LTBP1: variants seen among roughly 807,000 people sequenced by gnomAD.
LTBP1 encodes latent-transforming growth factor beta-binding protein 1.
In LTBP1, 129 loss-of-function variants were observed where a neutral mutation model predicts 207.6. The ratio of observed to expected loss-of-function variants is 0.62; its 90% confidence interval spans 0.54 to 0.72. LTBP1 has a LOEUF of 0.72. LTBP1 is among the 30% of genes least tolerant of loss of function. The probability of loss-of-function intolerance (pLI) is 0.00; values close to 1 mark genes in which losing one functional copy is unlikely to be tolerated. For missense variants in LTBP1, 2,281 were observed against 2,217.2 expected, an observed-to-expected ratio of 1.03 and a Z score of -0.58; for synonymous variants, 963 against 833.7, an observed-to-expected ratio of 1.16 and a Z score of -2.67.
chr2:33,087,084 C>CTTTTTTTTTTTTTTTTTTTTTTTTT (rs35334788), intron 3 of LTBP1, among the ~76,000 whole-genome samples: 1 of 89,026 alleles, frequency 1.1e-5, no homozygotes. Context: ...CTCCTTTATG[C>CTTTTTTTTTTTTTTTTTTTTTTTTT]TTTTTTTTTT....
chr2:33,043,960 A>T (rs1195045421), intron 3 of LTBP1, among the ~76,000 whole-genome samples: 1 of 151,986 alleles, frequency 6.6e-6, no homozygotes, highest in Non-Finnish European at 1.5e-5. Context: ...GCTGTGCCCT[A>T]TTCAAGGAAA....
chr2:33,356,741 G>A (rs2094866850), intron 26 of LTBP1, among the ~76,000 whole-genome samples: 1 of 152,222 alleles, frequency 6.6e-6, no homozygotes, highest in Non-Finnish European at 1.5e-5. Context: ...AGTTTTCCTT[G>A]ACATCTCCTT....
At chr2:33,205,634 C>T (rs1436255125) in intron 7 of LTBP1, among the ~76,000 whole-genome samples, 1 of 152,212 alleles carries the variant, frequency 6.6e-6, no homozygotes, top group East Asian at 1.9e-4. Context: ...CAAAGGACCA[C>T]ACTCATTCCC....
intron 3 of LTBP1, among the ~76,000 whole-genome samples, chr2:33,051,772 A>G (rs1480614621): frequency 6.6e-6 from 1 of 152,166 alleles, no homozygotes; most frequent in Admixed American, 6.5e-5. Context: ...TGACTCATTC[A>G]AAGCCACTTT....
intron 10 of LTBP1, among the ~76,000 whole-genome samples, chr2:33,246,939 G>A (rs776741623): frequency 1.3e-5 from 2 of 152,172 alleles, no homozygotes; most frequent in Non-Finnish European, 2.9e-5. Context: ...ATGGGGAAAG[G>A]TGGAAATTCG....
At chr2:33,168,508 G>T (rs2085135460) in intron 5 of LTBP1, among the ~76,000 whole-genome samples, 1 of 151,706 alleles carries the variant, frequency 6.6e-6, no homozygotes, top group African/African-American at 2.4e-5. Context: ...TTGTGATGTT[G>T]TCTTACAAAT....
At chr2:33,149,139 C>T (rs984750872) in intron 5 of LTBP1, among the ~76,000 whole-genome samples, 44 of 146,036 alleles carry the variant, frequency 3.0e-4, no homozygotes, top group African/African-American at 8.6e-4. Context: ...GGCGTGAACC[C>T]GGGAGGCGGA....
rs1396593073 is a variant in LTBP1 at position 33,150,708 on chromosome 2, TTC to T, written c.1201+15750_1201+15751del. On this transcript the variant is annotated intron_variant, in intron 5 of 33. Coordinates refer to ENST00000404816, the MANE Select transcript of LTBP1 (RefSeq NM_206943.4). ...TTCTTTTCTTTTTTCTTTTTTCTTT[TTC>T]TTTTTTTTTTTTTTTTTTTTTTTTT... 1.1e-3 allele frequency among the ~76,000 whole-genome samples: 146 copies of T among 129,352 alleles called. 4 individuals are homozygous for T. The highest frequency in any genetic ancestry group is 3.9e-3 in the African/African-American group (137 of 34,844). The allele number at this position is 129,352 out of a possible 152,430, so 84.9% of individuals were successfully genotyped here.
At chr2:33,387,373 A>G (rs1226325391) in intron 31 of LTBP1, among the ~76,000 whole-genome samples, 3 of 152,252 alleles carry the variant, frequency 2.0e-5, no homozygotes, top group Non-Finnish European at 2.9e-5. Context: ...CTCTGTTTGA[A>G]GTAGTTCTTT....
chr2:33,018,778 T>A (rs1370719110), intron 2 of LTBP1, among the ~76,000 whole-genome samples: 1 of 152,186 alleles, frequency 6.6e-6, no homozygotes, highest in Non-Finnish European at 1.5e-5. Flanking sequence ...AACAAATCGC[T>A]GCTGCCCTCC....
intron 7 of LTBP1, among the ~76,000 whole-genome samples, chr2:33,192,479 A>G (rs1191362915): frequency 1.3e-5 from 2 of 152,138 alleles, no homozygotes; most frequent in African/African-American, 2.4e-5. Flanking sequence ...GACAGAAAAA[A>G]CAATCAGACA....
At chr2:33,309,652 A>T in intron 23 of LTBP1, 96 bp downstream of exon 23, 5 of 1,369,794 alleles carry the variant, frequency 3.7e-6, no homozygotes, top group Non-Finnish European at 5.0e-6. Flanking sequence ...CATGTGATTT[A>T]TATGTAAATA....
chr2:33,217,518 A>G (rs766930413), intron 7 of LTBP1, 34 bp from the exon 8 acceptor site: 23 of 1,512,638 alleles, frequency 1.5e-5, no homozygotes, highest in South Asian at 7.9e-5. Flanking sequence ...CCTGCACTCA[A>G]TTAACCTTCA....
chr2:33,170,799 C>T (rs1268572866), intron 5 of LTBP1, among the ~76,000 whole-genome samples: 128 of 152,172 alleles, frequency 8.4e-4, no homozygotes, highest in African/African-American at 2.8e-3. Flanking sequence ...GCCGGGTACT[C>T]CTCTGAGACA....
rs144362210 is a variant in LTBP1, at chr2:33,117,921, G to A, written c.1033+7170G>A. Among the ~76,000 whole-genome samples, 3 of 152,304 alleles carry A rather than the reference G, an allele frequency of 2.0e-5. No individual in the cohort carries two copies. In the East Asian group the frequency reaches 5.8e-4, roughly 29 times the overall value. On this transcript the variant is annotated intron_variant, in intron 4 of 33. Transcript: ENST00000404816. ...GAAGAGTCTGGTCCTGAGAACTGTTGTGGCCTTAATGTCGATGTTGAAGTT... is the reference window on the plus strand; with the variant it reads ...GAAGAGTCTGGTCCTGAGAACTGTTATGGCCTTAATGTCGATGTTGAAGTT...
At chr2:33,172,691 C>A (rs1452772368) in intron 5 of LTBP1, among the ~76,000 whole-genome samples, 2 of 152,234 alleles carry the variant, frequency 1.3e-5, no homozygotes, top group African/African-American at 4.8e-5. Context: ...CCCAAATCAA[C>A]AGAGTATACA....
chr2:33,124,220 C>A (rs578081327), intron 4 of LTBP1, among the ~76,000 whole-genome samples: 2 of 152,240 alleles, frequency 1.3e-5, no homozygotes, highest in East Asian at 3.9e-4. Context: ...ACCAGCCTGG[C>A]TGACATGGTG....
chr2:33,342,708 T>C, intron 24 of LTBP1, 130 bp from the exon 25 acceptor site: 1 of 762,726 alleles, frequency 1.3e-6, no homozygotes, highest in Non-Finnish European at 2.0e-6. Context: ...AGCTGTTTTC[T>C]GTGTAAACAT....
chr2:33,052,192 A>G (rs1399112272), intron 3 of LTBP1, among the ~76,000 whole-genome samples: 1 of 152,208 alleles, frequency 6.6e-6, no homozygotes. Context: ...ACGTCATTCG[A>G]CCGTTGCTAT....
Sources: gnomAD v4.1 joint callset for allele counts (sites outside exome capture counted in the v4.1 genomes callset) on GRCh38, gnomAD v4.1.1 for gene constraint, MANE v1.5 for transcripts, NCBI Gene and HGNC (gene_info 2026-07-23, HGNC 2026-07-21) for gene names.